LIN28B: variants seen among roughly 807,000 people sequenced by gnomAD.
LIN28B encodes lin-28 RNA binding posttranscriptional regulator B.
LIN28B carries 5 observed loss-of-function variants against 21.9 expected under a neutral mutation model. That is an observed-to-expected ratio of 0.23 (90% CI 0.12 to 0.48). The LOEUF (loss-of-function observed/expected upper bound fraction) is 0.48, where lower values mean the gene tolerates loss of function less well. Among genes scored for constraint, LIN28B ranks in the 20% least tolerant of loss-of-function variants. The probability of loss-of-function intolerance (pLI) is 0.98; values close to 1 mark genes in which losing one functional copy is unlikely to be tolerated. For missense variants in LIN28B, 245 were observed against 310.5 expected, an observed-to-expected ratio of 0.79 and a Z score of 1.58; for synonymous variants, 109 against 111.3, an observed-to-expected ratio of 0.98 and a Z score of 0.13.
chr6:105,021,443 T>C (rs746468428), intron 2 of LIN28B, among the ~76,000 whole-genome samples: 19 of 152,184 alleles, frequency 1.2e-4, no homozygotes, highest in Non-Finnish European at 2.6e-4. Context: ...TAAATCTTCA[T>C]GCTGTTTTCT....
At chr6:105,058,501 T>G (rs758136861) in intron 3 of LIN28B, among the ~76,000 whole-genome samples, 13 of 152,220 alleles carry the variant, frequency 8.5e-5, no homozygotes, top group Non-Finnish European at 1.8e-4. Flanking sequence ...TTCAGATTGT[T>G]GCTAGTGTTC....
chr6:104,993,833 CA>C (rs568787406), intron 2 of LIN28B, among the ~76,000 whole-genome samples: 3,179 of 89,130 alleles, frequency 0.036, 96 homozygotes, highest in African/African-American at 0.11. Context: ...GAGATTGTCT[CA>C]AAAAAAAAAA....
intron 2 of LIN28B, among the ~76,000 whole-genome samples, chr6:104,987,906 G>C (rs1770380823): frequency 6.6e-6 from 1 of 151,936 alleles, no homozygotes; most frequent in South Asian, 2.1e-4. Context: ...ACCACGCTTG[G>C]CTAATTTTTG....
rs111537209 is a variant in LIN28B at position 105,021,010 on chromosome 6, C to T, written c.199-5288C>T. ...GACCTCGTAATCCACCCACCTCGGC[C>T]TCCCAAAGTGCTGGGATTACAAGCG... On this transcript the variant is annotated intron_variant, in intron 2 of 3. Transcript: ENST00000345080. Among the ~76,000 whole-genome samples, 1,061 of 152,214 alleles carry T rather than the reference C, an allele frequency of 7.0e-3. 10 individuals are homozygous for T. The highest frequency in any genetic ancestry group is 0.024 in the African/African-American group (982 of 41,526).
chr6:105,051,597 A>G (rs2114386042), intron 3 of LIN28B, among the ~76,000 whole-genome samples: 1 of 152,190 alleles, frequency 6.6e-6, no homozygotes, highest in South Asian at 2.1e-4. Context: ...AGTTCTTTTA[A>G]GTGTAATCTC....
intron 2 of LIN28B, among the ~76,000 whole-genome samples, chr6:104,989,738 T>A (rs1335811560): frequency 6.6e-6 from 1 of 151,768 alleles, no homozygotes; most frequent in East Asian, 1.9e-4. Flanking sequence ...TTACAGGCCC[T>A]GCGCCACCAT....
intron 3 of LIN28B, among the ~76,000 whole-genome samples, chr6:105,028,623 A>G (rs1293161661): frequency 6.6e-6 from 1 of 152,206 alleles, no homozygotes; most frequent in Non-Finnish European, 1.5e-5. Flanking sequence ...GGAAAGATGA[A>G]GGGACTATTT....
intron 2 of LIN28B, among the ~76,000 whole-genome samples, chr6:105,009,232 G>C (rs1430874603): frequency 6.6e-6 from 1 of 152,106 alleles, no homozygotes; most frequent in African/African-American, 2.4e-5. Context: ...TTTTGTGTTA[G>C]GGATTCCATT....
chr6:104,991,676 G>A (rs1770483345), intron 2 of LIN28B, among the ~76,000 whole-genome samples: 1 of 152,140 alleles, frequency 6.6e-6, no homozygotes, highest in African/African-American at 2.4e-5. Context: ...GGGAGGTGGA[G>A]GTTGTAGCGA....
chr6:105,038,583 T>C (rs1413791571), intron 3 of LIN28B, among the ~76,000 whole-genome samples: 1 of 152,186 alleles, frequency 6.6e-6, no homozygotes, highest in Non-Finnish European at 1.5e-5. Flanking sequence ...GTTTCTCTTT[T>C]GGTTGACTCT....
At chr6:104,978,349 G>A (rs1562079247) in intron 2 of LIN28B, among the ~76,000 whole-genome samples, 1 of 152,188 alleles carries the variant, frequency 6.6e-6, no homozygotes, top group Non-Finnish European at 1.5e-5. Context: ...TCATTGGGAA[G>A]ATGAGATGGT....
At chr6:105,018,399 CA>C (rs1419792241) in intron 2 of LIN28B, among the ~76,000 whole-genome samples, 1 of 152,192 alleles carries the variant, frequency 6.6e-6, no homozygotes, top group East Asian at 1.9e-4. Flanking sequence ...TTGCCATCCT[CA>C]AACATTGTAT....
In LIN28B at chr6:105,078,525, A is replaced by G. The variant is rs1412927373; in HGVS notation, c.495A>G (p.Pro165=). The change falls in exon 4 of 4, where the codon CCA becomes CCG. Residue 165 remains proline (P), a synonymous_variant. Transcript: ENST00000345080. The stretch of plus-strand genomic sequence containing the variant: ...TCATGCACATGGTGGCAAACTGCCC[A>G]CATAAAAATGTTGCACAGCCACCCG... ...QSIMHMVANC[P]HKNVAQPPAS... The G allele has an allele frequency of 3.1e-6, 5 of 1,614,158 alleles. No individual in the cohort carries two copies. The highest frequency in any genetic ancestry group is 4.2e-6 in the Non-Finnish European group (5 of 1,180,026).
At chr6:105,063,651 A>AGGGG (rs1772169304) in intron 3 of LIN28B, among the ~76,000 whole-genome samples, 3 of 148,326 alleles carry the variant, frequency 2.0e-5, no homozygotes, top group Admixed American at 1.3e-4. Flanking sequence ...GGGGGGGGAA[A>AGGGG]AAAAGGTAAA....
At chr6:105,056,849 T>C (rs916088999) in intron 3 of LIN28B, among the ~76,000 whole-genome samples, 2 of 152,162 alleles carry the variant, frequency 1.3e-5, no homozygotes, top group Non-Finnish European at 2.9e-5. Context: ...TCTTGCCCCT[T>C]AGTCCCAAAA....
At chr6:105,031,176 G>A (rs1239554527) in intron 3 of LIN28B, among the ~76,000 whole-genome samples, 1 of 151,788 alleles carries the variant, frequency 6.6e-6, no homozygotes, top group Non-Finnish European at 1.5e-5. Flanking sequence ...TCTGAACCAT[G>A]GATTTCTGCA....
intron 3 of LIN28B, among the ~76,000 whole-genome samples, chr6:105,076,446 T>C (rs1348796311): frequency 3.3e-5 from 5 of 152,182 alleles, no homozygotes; most frequent in Admixed American, 2.6e-4. Flanking sequence ...AAATATCCTA[T>C]ATACACTGCT....
chr6:105,010,257 T>C (rs930406587), intron 2 of LIN28B, among the ~76,000 whole-genome samples: 5 of 151,234 alleles, frequency 3.3e-5, no homozygotes, highest in African/African-American at 1.2e-4. Flanking sequence ...CAGCTACTTA[T>C]GAGGCTGAGG....
At chr6:105,047,013 T>G (rs920162212) in intron 3 of LIN28B, among the ~76,000 whole-genome samples, 2 of 152,172 alleles carry the variant, frequency 1.3e-5, no homozygotes, top group African/African-American at 2.4e-5. Flanking sequence ...CAGAAGCTCT[T>G]TAGTTTAATT....
Sources: allele counts gnomAD v4.1 joint callset (sites outside exome capture counted in the v4.1 genomes callset), GRCh38; gene constraint gnomAD v4.1.1; transcripts MANE v1.5; gene names NCBI Gene and HGNC (gene_info 2026-07-23, HGNC 2026-07-21).